The following PLB1 variants were observed in gnomAD, a reference collection of about 807,000 sequenced individuals.
PLB1 encodes phospholipase B1, membrane-associated.
In PLB1, 242 loss-of-function variants were observed where a neutral mutation model predicts 227.4. That is an observed-to-expected ratio of 1.06 (90% CI 0.96 to 1.18). PLB1 has a LOEUF of 1.18. Among genes scored for constraint, PLB1 ranks in the 50% most tolerant of loss-of-function variants. The probability of loss-of-function intolerance (pLI) is 0.00; values close to 1 mark genes in which losing one functional copy is unlikely to be tolerated. For synonymous variants in PLB1, 757 were observed against 682.2 expected (o/e 1.11, Z -1.71); for missense variants, 1,858 against 1,816.3 (o/e 1.02, Z -0.42).
chr2:28,606,573 A>G lies in PLB1; in HGVS notation c.3129+6A>G, dbSNP rs1558901654. ...CCATCACCTGTCCCACTCAGGTAGT[A>G]GGGGAGGACCTGCCTGGCTCCTCTC... is the stretch of plus-strand genomic sequence containing the variant. On this transcript the variant is annotated splice_donor_region_variant and intron_variant, in intron 43 of 57. Coordinates refer to ENST00000327757, the MANE Select transcript of PLB1 (RefSeq NM_153021.5). The G allele has an allele frequency of 1.2e-6, 2 of 1,613,624 alleles. No individual in the cohort carries two copies. The highest frequency in any genetic ancestry group is 1.7e-6 in the Non-Finnish European group (2 of 1,179,540).
intron 17 of PLB1, among the ~76,000 whole-genome samples, chr2:28,554,508 T>A (rs999825992): frequency 1.7e-4 from 15 of 86,146 alleles, no homozygotes; most frequent in Admixed American, 1.6e-3. Flanking sequence ...TTTTTTTTTT[T>A]TTTTTTTTTT....
chr2:28,575,049 A>G (rs1236366810), intron 21 of PLB1, among the ~76,000 whole-genome samples: 1 of 152,218 alleles, frequency 6.6e-6, no homozygotes. Flanking sequence ...GGATGGCTGG[A>G]TCGAATGGTG....
At chr2:28,599,103 G>C (rs1455759152) in intron 35 of PLB1, among the ~76,000 whole-genome samples, 2 of 152,238 alleles carry the variant, frequency 1.3e-5, no homozygotes, top group Non-Finnish European at 2.9e-5. Flanking sequence ...CCTCACAAGT[G>C]GCAATTTCCC....
chr2:28,498,328 ATCC>A (rs1666716249), intron 1 of PLB1, among the ~76,000 whole-genome samples: 1 of 151,512 alleles, frequency 6.6e-6, no homozygotes, highest in Non-Finnish European at 1.5e-5. Flanking sequence ...GGCTCAAGTA[ATCC>A]TCCCACCTCA....
intron 1 of PLB1, among the ~76,000 whole-genome samples, chr2:28,514,537 T>A (rs957009118): frequency 1.3e-5 from 2 of 152,236 alleles, no homozygotes; most frequent in African/African-American, 4.8e-5. Flanking sequence ...GAAAATTATA[T>A]GGAATTCAAA....
chr2:28,584,203 G>A (rs1462480019), intron 25 of PLB1, among the ~76,000 whole-genome samples: 2 of 152,316 alleles, frequency 1.3e-5, no homozygotes, highest in East Asian at 3.9e-4. Flanking sequence ...GCTGTTTGCT[G>A]AATGACTGAA....
In PLB1 at chr2:28,640,993, C is replaced by T; in HGVS notation, c.4165C>T (p.Pro1389Ser). 1 of 1,613,614 alleles carries T rather than the reference C, an allele frequency of 6.2e-7. No homozygotes were observed. The highest frequency in any genetic ancestry group is 8.5e-7 in the Non-Finnish European group (1 of 1,179,766). Residue 1389 changes from proline to serine, a missense_variant, in exon 57 of 58, where the codon CCC (proline) becomes TCC (serine). Coordinates refer to ENST00000327757, the MANE Select transcript of PLB1 (RefSeq NM_153021.5). ...CCACAGCCGAGCCAAACTCAAGTGC[C>T]CCTCTCCTGTGAGTAAACGTCCTGC... Reference protein sequence around the residue: ...FTHSRAKLKCPSPESPYLYTL... With the variant: ...FTHSRAKLKCSSPESPYLYTL...
intron 20 of PLB1, among the ~76,000 whole-genome samples, chr2:28,570,952 C>G (rs1304631401): frequency 6.6e-6 from 1 of 152,172 alleles, no homozygotes; most frequent in Admixed American, 6.5e-5. Flanking sequence ...GATGCATGCT[C>G]TTGCCACTTT....
rs745799206 is a variant in PLB1 at position 28,591,131 on chromosome 2, A to G, written c.2089-2A>G. 2.5e-6 allele frequency: 4 copies of G among 1,614,064 alleles called. No homozygotes were observed. In the Admixed American group the frequency reaches 6.7e-5, roughly 27 times the overall value. On this transcript the variant is annotated splice_acceptor_variant, in intron 29 of 57. Coordinates refer to ENST00000327757, the MANE Select transcript of PLB1 (RefSeq NM_153021.5). LOFTEE classifies it high-confidence loss of function. ...CCATTGCTCACCCCCCTCTCCTCAC[A>G]GGTCCAGCCGTTTCTGAGGACCTAC...
intron 23 of PLB1, among the ~76,000 whole-genome samples, chr2:28,579,996 C>A (rs569740506): frequency 6.6e-6 from 1 of 152,350 alleles, no homozygotes; most frequent in South Asian, 2.1e-4. Context: ...CTAGAAAAAT[C>A]TTTCCCATGT....
intron 1 of PLB1, among the ~76,000 whole-genome samples, chr2:28,504,214 C>T (rs562514330): frequency 1.3e-5 from 2 of 152,324 alleles, no homozygotes; most frequent in South Asian, 4.1e-4. Context: ...ACCAACTTTA[C>T]CATCTTCTTG....
chr2:28,622,071 T>C (rs1033280925), intron 49 of PLB1, among the ~76,000 whole-genome samples: 1 of 152,224 alleles, frequency 6.6e-6, no homozygotes, highest in Non-Finnish European at 1.5e-5. Flanking sequence ...TGTGGGTATC[T>C]CTGATGTCCA....
chr2:28,573,376 T>C (rs1333177857), intron 21 of PLB1, 71 bp downstream of exon 21: 63 of 1,156,476 alleles, frequency 5.4e-5, no homozygotes, highest in Non-Finnish European at 4.3e-5. Context: ...TGGCCTAAAC[T>C]GGGTTTATGG....
At chr2:28,604,373 C>T (rs568060986) in intron 40 of PLB1, among the ~76,000 whole-genome samples, 5 of 152,210 alleles carry the variant, frequency 3.3e-5, no homozygotes, top group Non-Finnish European at 7.3e-5. Context: ...AGGCAGGTGC[C>T]GAGCCTCTGG....
In PLB1 at chr2:28,521,216, A is replaced by G. The variant is rs146607583; in HGVS notation, c.243+1453A>G. ...TTGCCTCCACCTCTTGGCTGTTGCAAACAATGCTGCTATGAACTTGGGTGT... is the reference window on the plus strand; with the variant it reads ...TTGCCTCCACCTCTTGGCTGTTGCAGACAATGCTGCTATGAACTTGGGTGT... On this transcript the variant is annotated intron_variant, in intron 4 of 57. Transcript: ENST00000327757. Among the ~76,000 whole-genome samples the G allele has an allele frequency of 3.0e-3, 462 of 152,322 alleles. 3 individuals carry two copies. Among genetic ancestry groups the G allele is most frequent in the African/African-American group, 0.01 (431 of 41,574 alleles).
At position 28,581,514 on chromosome 2, in the gene PLB1, T is replaced by A. The variant is rs1210137339; in HGVS notation, c.1567-554T>A. On this transcript the variant is annotated intron_variant, in intron 23 of 57. Transcript: ENST00000327757. ...ATAAATAAATAAATAAATAAATAAA[T>A]AAATAAATAAATAAATAAATAAAAT... 9.4e-4 allele frequency among the ~76,000 whole-genome samples: 131 copies of A among 140,068 alleles called. 2 individuals carry two copies. The highest frequency in any genetic ancestry group is 1.3e-3 in the Non-Finnish European group (88 of 66,012). The allele number at this position is 140,068 out of a possible 152,430, so 91.9% of individuals were successfully genotyped here. A position where few individuals can be genotyped will look rare whatever the true frequency, so the allele number is the denominator to read the frequency against.
At chr2:28,580,273 A>AG (rs1184166788) in intron 23 of PLB1, among the ~76,000 whole-genome samples, 2 of 152,240 alleles carry the variant, frequency 1.3e-5, no homozygotes, top group Non-Finnish European at 2.9e-5. Flanking sequence ...TATGCCAGGA[A>AG]TGTACTAGGA....
At chr2:28,525,846 G>A (rs1329867815) in intron 5 of PLB1, 59 bp from the exon 6 acceptor site, 9 of 1,593,462 alleles carry the variant, frequency 5.6e-6, no homozygotes, top group East Asian at 2.2e-5. Context: ...CAAGGGGAAG[G>A]GCTATTGGCA....
At position 28,552,790 on chromosome 2, in the gene PLB1, G is replaced by A. The variant is rs948143827; in HGVS notation, c.1084-138G>A. On this transcript the variant is annotated intron_variant, in intron 16 of 57. Transcript: ENST00000327757. ...TGGACAATTGGATATGAGTGTTGAAGGAGAGGGAGAAATCTTAAATGACAT... is the reference window on the plus strand; with the variant it reads ...TGGACAATTGGATATGAGTGTTGAAAGAGAGGGAGAAATCTTAAATGACAT... The A allele has an allele frequency of 2.2e-5, 15 of 685,564 alleles. No homozygotes were observed. The Middle Eastern group carries it at 2.5e-3, about 114-fold the overall frequency. 42.5% of individuals were successfully genotyped at this position (685,564 alleles called of 1,614,324 possible). A position where few individuals can be genotyped will look rare whatever the true frequency, so the allele number is the denominator to read the frequency against.
Sources: allele counts gnomAD v4.1 joint callset (sites outside exome capture counted in the v4.1 genomes callset), GRCh38; gene constraint gnomAD v4.1.1; transcripts MANE v1.5; gene names NCBI Gene and HGNC (gene_info 2026-07-23, HGNC 2026-07-21).